The following POU2F1 variants were observed in gnomAD, a reference collection of about 807,000 sequenced individuals.
POU2F1 encodes POU domain, class 2, transcription factor 1.
In POU2F1, 16 loss-of-function variants were observed where a neutral mutation model predicts 84.9. The observed-to-expected ratio is 0.19, with a 90% CI of 0.13 to 0.29. The LOEUF is 0.29. Ranked by LOEUF, POU2F1 falls within the 10% of genes least tolerant of loss-of-function variation. The pLI is 1.00. For synonymous variants in POU2F1, 368 were observed against 368.3 expected (o/e 1.00, Z 0.01); for missense variants, 738 against 942.6 (o/e 0.78, Z 2.84).
chr1:167,241,611 GT>G (rs1424966352), intron 1 of POU2F1: 1 of 152,080 alleles, frequency 6.6e-6, no homozygotes, highest in Non-Finnish European at 1.5e-5. Flanking sequence ...AAAATAACAG[GT>G]TTTCCAGTTT....
chr1:167,408,937 TTC>T (rs1299416049), intron 13 of POU2F1, among the ~76,000 whole-genome samples: 3 of 152,266 alleles, frequency 2.0e-5, no homozygotes, highest in Admixed American at 6.5e-5. Flanking sequence ...TGTTTATACA[TTC>T]TGACACAATT....
intron 7 of POU2F1, among the ~76,000 whole-genome samples, chr1:167,377,982 G>A (rs781303867): frequency 3.3e-5 from 5 of 152,072 alleles, no homozygotes; most frequent in Non-Finnish European, 7.4e-5. Context: ...CCATGTCTTT[G>A]CTATTGTGAA....
intron 1 of POU2F1, among the ~76,000 whole-genome samples, chr1:167,252,392 A>G (rs1339482049): frequency 6.6e-6 from 1 of 152,208 alleles, no homozygotes; most frequent in Non-Finnish European, 1.5e-5. Context: ...AGAAGCACGT[A>G]TGTTTGTAGT....
rs1650469240 is a variant in POU2F1 at position 167,418,898 on chromosome 1, A to T, written c.*3088A>T. On this transcript the variant is annotated 3_prime_UTR_variant, in exon 16 of 16. Transcript: ENST00000367866. ...GAAGAAATAATCTTTAGGAAAAGATAAATCTTTAGATAAAAATAAATTTTT... is the reference window on the plus strand; with the variant it reads ...GAAGAAATAATCTTTAGGAAAAGATTAATCTTTAGATAAAAATAAATTTTT... The T allele has an allele frequency of 6.6e-6, 1 of 152,194 alleles. No homozygotes were observed. 9.4% of individuals were successfully genotyped at this position (152,194 alleles called of 1,614,324 possible). A position where few individuals can be genotyped will look rare whatever the true frequency, so the allele number is the denominator to read the frequency against.
intron 7 of POU2F1, among the ~76,000 whole-genome samples, chr1:167,376,933 A>G (rs1247907811): frequency 6.6e-6 from 1 of 152,222 alleles, no homozygotes; most frequent in East Asian, 1.9e-4. Context: ...GTTAGATTTG[A>G]TATGCACACA....
chr1:167,376,828 T>C (rs1404677733), intron 7 of POU2F1, among the ~76,000 whole-genome samples: 1 of 152,216 alleles, frequency 6.6e-6, no homozygotes, highest in Non-Finnish European at 1.5e-5. Context: ...ATGAAATAAT[T>C]ATTCTAGCAT....
At chr1:167,275,940 A>G (rs1652700011) in intron 1 of POU2F1, among the ~76,000 whole-genome samples, 1 of 152,248 alleles carries the variant, frequency 6.6e-6, no homozygotes, top group South Asian at 2.1e-4. Context: ...TTAAGATTTT[A>G]TAACAGAGAT....
chr1:167,227,669 T>C (rs899786492), intron 1 of POU2F1, among the ~76,000 whole-genome samples: 2 of 152,208 alleles, frequency 1.3e-5, no homozygotes, highest in Admixed American at 6.5e-5. Context: ...AGGTATCTGC[T>C]ATGTACCTGG....
rs1158140703 is a variant in POU2F1 at position 167,424,979 on chromosome 1, C to T, written c.*9169C>T. 6.6e-6 allele frequency: 1 copy of T among 152,192 alleles called. No individual in the cohort carries two copies. Among genetic ancestry groups the T allele is most frequent in the African/African-American group, 2.4e-5 (1 of 41,434 alleles). The allele number at this position is 152,192 out of a possible 1,614,324, so 9.4% of individuals were successfully genotyped here. On this transcript the variant is annotated 3_prime_UTR_variant, in exon 16 of 16. Transcript: ENST00000367866. ...GACACCAAAGGCTCCTTTAAGCTGACTGCTGCATACACATTTCACTTTTTT... is the reference window on the plus strand; with the variant it reads ...GACACCAAAGGCTCCTTTAAGCTGATTGCTGCATACACATTTCACTTTTTT...
intron 1 of POU2F1, among the ~76,000 whole-genome samples, chr1:167,251,077 G>A (rs1157084498): frequency 6.6e-6 from 1 of 152,182 alleles, no homozygotes; most frequent in African/African-American, 2.4e-5. Context: ...CATCTCATAT[G>A]AGTAGAACAT....
At chr1:167,373,259 T>C (rs569058892) in intron 5 of POU2F1, among the ~76,000 whole-genome samples, 1 of 152,222 alleles carries the variant, frequency 6.6e-6, no homozygotes, top group Admixed American at 6.5e-5. Flanking sequence ...TCAGAACTTG[T>C]CACCAAAAGA....
At chr1:167,383,774 C>A in intron 7 of POU2F1, 83 bp from the exon 8 acceptor site, 1 of 1,253,296 alleles carries the variant, frequency 8.0e-7, no homozygotes, top group Non-Finnish European at 1.1e-6. Context: ...AAATTTTCAG[C>A]TCATTTTCTG....
intron 1 of POU2F1, among the ~76,000 whole-genome samples, chr1:167,252,927 C>T (rs1404364972): frequency 1.3e-5 from 2 of 152,208 alleles, no homozygotes; most frequent in Admixed American, 6.5e-5. Context: ...GTGCTGACCG[C>T]CATTTTGCCA....
intron 1 of POU2F1, among the ~76,000 whole-genome samples, chr1:167,254,766 GTGTCT>G (rs1651010071): frequency 6.6e-6 from 1 of 152,076 alleles, no homozygotes; most frequent in Non-Finnish European, 1.5e-5. Context: ...CTCTACCCCA[GTGTCT>G]TGAAAAAATA....
chr1:167,287,452 G>T (rs533780648), intron 1 of POU2F1, among the ~76,000 whole-genome samples: 533 of 151,848 alleles, frequency 3.5e-3, no homozygotes, highest in Non-Finnish European at 5.8e-3. Flanking sequence ...CAGAACCTAG[G>T]AAAAAAGACA....
chr1:167,241,152 A>G (rs949298860), intron 1 of POU2F1, among the ~76,000 whole-genome samples: 16 of 152,114 alleles, frequency 1.1e-4, no homozygotes, highest in African/African-American at 3.9e-4. Context: ...AAAAATAAAT[A>G]AATAAATAAA....
At chr1:167,321,331 A>G (rs2102633496) in intron 1 of POU2F1, among the ~76,000 whole-genome samples, 1 of 152,308 alleles carries the variant, frequency 6.6e-6, no homozygotes, top group Middle Eastern at 3.4e-3. Flanking sequence ...AGGAATTGTA[A>G]ATGCAAACTG....
intron 2 of POU2F1, chr1:167,357,562 A>G (rs912964177): frequency 1.1e-4 from 16 of 151,900 alleles, no homozygotes; most frequent in African/African-American, 3.4e-4. Flanking sequence ...TATTTTTGGT[A>G]GAGATGGGGT....
chr1:167,337,722 G>A (rs1657567669), intron 2 of POU2F1, among the ~76,000 whole-genome samples: 1 of 151,220 alleles, frequency 6.6e-6, no homozygotes, highest in Non-Finnish European at 1.5e-5. Context: ...GACAAAAGAA[G>A]GAAAATCATT....
Sources: gnomAD v4.1 joint callset for allele counts (sites outside exome capture counted in the v4.1 genomes callset) on GRCh38, gnomAD v4.1.1 for gene constraint, MANE v1.5 for transcripts, NCBI Gene and HGNC (gene_info 2026-07-23, HGNC 2026-07-21) for gene names.